The following FRMPD3 variants were observed in gnomAD, a reference collection of about 807,000 sequenced individuals.
The protein encoded by FRMPD3 is FERM and PDZ domain-containing protein 3.
Under a neutral mutation model 97.9 loss-of-function variants are expected in FRMPD3, and 42 were observed. The observed-to-expected ratio is 0.43, with a 90% CI of 0.34 to 0.55. FRMPD3 has a LOEUF of 0.55. FRMPD3 is among the 20% of genes least tolerant of loss of function. The pLI is 0.03. For missense variants in FRMPD3, 1,303 were observed against 1,457.7 expected, an observed-to-expected ratio of 0.89 and a Z score of 1.73; for synonymous variants, 577 against 581.1, an observed-to-expected ratio of 0.99 and a Z score of 0.10.
intron 14 of FRMPD3, among the ~76,000 whole-genome samples, chrX:107,599,005 G>A (rs973055194): frequency 2.7e-5 from 3 of 111,856 alleles, no homozygotes; most frequent in Non-Finnish European, 5.6e-5. Context: ...GGGCGTGGTG[G>A]CTCACACCTG....
At chrX:107,533,482 C>G in intron 3 of FRMPD3, 23 bp from the exon 4 acceptor site, 12 of 1,193,147 alleles carry the variant, frequency 1.0e-5, no homozygotes, top group Non-Finnish European at 1.4e-5. Context: ...ACACTACTCT[C>G]CTATTCCCTC....
chrX:107,564,437 G>A (rs1018166366), intron 11 of FRMPD3, among the ~76,000 whole-genome samples: 4 of 112,379 alleles, frequency 3.6e-5, no homozygotes, highest in Non-Finnish European at 7.5e-5. Context: ...GTGCAAGTTT[G>A]AGTGGCTGTT....
intron 13 of FRMPD3, among the ~76,000 whole-genome samples, chrX:107,588,050 C>T (rs1923737503): frequency 1.8e-5 from 2 of 111,478 alleles, no homozygotes; most frequent in South Asian, 3.8e-4. Context: ...GCTGAGATTA[C>T]AGGTGTGAGC....
chrX:107,596,962 C>G (rs1924203423), intron 13 of FRMPD3, among the ~76,000 whole-genome samples: 1 of 111,642 alleles, frequency 9.0e-6, no homozygotes. Flanking sequence ...GTGGGACATA[C>G]GTTTACAGCT....
At chrX:107,588,517 G>T in intron 13 of FRMPD3, among the ~76,000 whole-genome samples, 1 of 112,039 alleles carries the variant, frequency 8.9e-6, no homozygotes, top group Non-Finnish European at 1.9e-5. Context: ...GCCTCCTAAA[G>T]TTCTGGGATT....
intron 1 of FRMPD3, among the ~76,000 whole-genome samples, chrX:107,481,888 G>A (rs1921383692): frequency 8.9e-6 from 1 of 111,908 alleles, no homozygotes; most frequent in Admixed American, 9.4e-5. Flanking sequence ...GACTAGGATA[G>A]GCTAGAATGT....
chrX:107,559,781 C>T (rs754729707), intron 8 of FRMPD3, among the ~76,000 whole-genome samples: 1 of 110,979 alleles, frequency 9.0e-6, no homozygotes, highest in Non-Finnish European at 1.9e-5. Flanking sequence ...ATGCCTCCCC[C>T]ATCCCTGCAA....
intron 1 of FRMPD3, among the ~76,000 whole-genome samples, chrX:107,455,667 A>G (rs1931364315): frequency 8.9e-6 from 1 of 111,904 alleles, no homozygotes; most frequent in Admixed American, 9.5e-5. Flanking sequence ...GGTACTCAAT[A>G]GGCATATGTT....
chrX:107,550,296 A>T, intron 6 of FRMPD3, 140 bp downstream of exon 6: 1 of 458,311 alleles, frequency 2.2e-6, no homozygotes, highest in South Asian at 3.4e-5. Context: ...GCTTGTTAGC[A>T]CAAGGCTGCA....
chrX:107,550,129 C>T lies in FRMPD3; in HGVS notation c.483C>T (p.Phe161=). The change falls in exon 6 of 15, where the codon TTC becomes TTT. Residue 161 remains phenylalanine, a synonymous_variant. Transcript: ENST00000683843. ...TAGAAAATGGGCAGATCAAGTCATT[C>T]ACATTTGATGGTCGGACCACTGTTA... The part of the protein sequence containing the change: ...VFLENGQIKS[F]TFDGRTTVKD... 1.7e-6 allele frequency: 2 copies of T among 1,199,376 alleles called. No homozygotes were observed. The highest frequency in any genetic ancestry group is 1.8e-5 in the South Asian group (1 of 56,072).
At chrX:107,457,818 G>T (rs1931404200) in intron 1 of FRMPD3, among the ~76,000 whole-genome samples, 1 of 111,731 alleles carries the variant, frequency 9.0e-6, no homozygotes, top group Admixed American at 9.5e-5. Context: ...CCTTCATAAA[G>T]GCTTTTCTCT....
At chrX:107,465,171 T>G (rs1353717206) in intron 1 of FRMPD3, among the ~76,000 whole-genome samples, 1 of 111,045 alleles carries the variant, frequency 9.0e-6, no homozygotes, top group African/African-American at 3.3e-5. Flanking sequence ...TGTATCAACG[T>G]GAGAAATAGA....
At chrX:107,459,884 TACACACACACACACACACAC>T (rs67324661) in intron 1 of FRMPD3, among the ~76,000 whole-genome samples, 9 of 89,850 alleles carry the variant, frequency 1.0e-4, no homozygotes, top group African/African-American at 2.0e-4. Flanking sequence ...CAAGCATACA[TACACACACACACACACACAC>T]ACACACACAC....
At chrX:107,529,439 G>T (rs1376193154) in intron 2 of FRMPD3, among the ~76,000 whole-genome samples, 1 of 110,779 alleles carries the variant, frequency 9.0e-6, no homozygotes, top group Admixed American at 9.6e-5. Flanking sequence ...ACAAAAATTA[G>T]CTGGGCATGG....
intron 3 of FRMPD3, among the ~76,000 whole-genome samples, chrX:107,533,188 A>T (rs1407176551): frequency 8.9e-6 from 1 of 112,286 alleles, no homozygotes; most frequent in East Asian, 2.8e-4. Flanking sequence ...TGTAGTCTAC[A>T]GATAAAATTG....
At chrX:107,550,733 C>T (rs1921827641) in intron 6 of FRMPD3, among the ~76,000 whole-genome samples, 2 of 111,547 alleles carry the variant, frequency 1.8e-5, no homozygotes, top group Admixed American at 1.9e-4. Context: ...TGACTTTCCT[C>T]TAATCCTTAG....
chrX:107,529,455 T>G (rs901259582), intron 2 of FRMPD3, among the ~76,000 whole-genome samples: 2 of 110,129 alleles, frequency 1.8e-5, no homozygotes, highest in East Asian at 2.9e-4. Flanking sequence ...CATGGTGGAG[T>G]GTACCTGTCA....
chrX:107,555,751 C>T (rs1222286526), intron 8 of FRMPD3, among the ~76,000 whole-genome samples: 1 of 111,436 alleles, frequency 9.0e-6, no homozygotes, highest in Non-Finnish European at 1.9e-5. Context: ...TAAAGAAATT[C>T]TGTGGGAGAG....
At chrX:107,500,546 C>G (rs1921878722) in intron 1 of FRMPD3, among the ~76,000 whole-genome samples, 1 of 111,619 alleles carries the variant, frequency 9.0e-6, no homozygotes, top group African/African-American at 3.3e-5. Flanking sequence ...GTAATCCCAG[C>G]ACTTTGGGAG....
Sources: gnomAD v4.1 joint callset for allele counts (sites outside exome capture counted in the v4.1 genomes callset) on GRCh38, gnomAD v4.1.1 for gene constraint, MANE v1.5 for transcripts, NCBI Gene and HGNC (gene_info 2026-07-23, HGNC 2026-07-21) for gene names.